The following PCDHGA4 variants were observed in gnomAD, a reference collection of about 807,000 sequenced individuals.
The protein encoded by PCDHGA4 is protocadherin gamma subfamily A, 4, also known as protocadherin gamma-A4.
In PCDHGA4, 38 loss-of-function variants were observed where a neutral mutation model predicts 54.6. The observed-to-expected ratio is 0.70, with a 90% CI of 0.54 to 0.91. The LOEUF (loss-of-function observed/expected upper bound fraction) is 0.91. PCDHGA4 is among the 40% of genes least tolerant of loss of function. PCDHGA4 has a pLI of 0.00. For missense variants in PCDHGA4, 1,298 were observed against 1,220.9 expected (o/e 1.06, Z -0.94); for synonymous variants, 511 against 512.9 (o/e 1.00, Z 0.05).
At chr5:141,474,133 C>T (rs35162249) in intron 1 of PCDHGA4, among the ~76,000 whole-genome samples, 9,247 of 152,260 alleles carry the variant, frequency 0.061, 334 homozygotes, top group South Asian at 0.12. Flanking sequence ...CAGAAAACTA[C>T]AGGCCTTATT....
In PCDHGA4 at chr5:141,489,210, G is replaced by A; in HGVS notation, c.2515-5597G>A. ...TCTACCTTGGAGACAGGACAGCACAGACTTACTCTCCACAAAGGGACTTCT... is the reference window on the plus strand; with the variant it reads ...TCTACCTTGGAGACAGGACAGCACAAACTTACTCTCCACAAAGGGACTTCT... On this transcript the variant is annotated intron_variant, in intron 1 of 3. Coordinates refer to ENST00000571252, the MANE Select transcript of PCDHGA4 (RefSeq NM_018917.4). The surrounding 1 kb of genome is among the most constrained non-coding windows in gnomAD (Gnocchi z 4.5). 6 of 1,461,860 alleles carry A rather than the reference G, an allele frequency of 4.1e-6. No homozygotes were observed. Among genetic ancestry groups the A allele is most frequent in the Non-Finnish European group, 5.6e-6 (6 of 1,080,904 alleles). 90.6% of individuals were successfully genotyped at this position (1,461,860 alleles called of 1,614,324 possible). A position where few individuals can be genotyped will look rare whatever the true frequency, so the allele number is the denominator to read the frequency against.
chr5:141,476,929 G>T lies in PCDHGA4; in HGVS notation c.2515-17878G>T, dbSNP rs1375082202. 6.2e-7 allele frequency: 1 copy of T among 1,614,136 alleles called. No homozygotes were observed. Among genetic ancestry groups the T allele is most frequent in the Admixed American group, 1.7e-5 (1 of 60,034 alleles). On this transcript the variant is annotated intron_variant, in intron 1 of 3. Transcript: ENST00000571252. This position sits in a 1 kb window ranked among gnomAD's most constrained non-coding sequence, Gnocchi z 7.6. ...TGGTACAAGTCCTTGCAACGGATCT[G>T]GATGAAGGCCCCAACGGTGAAATTA...
intron 1 of PCDHGA4, chr5:141,395,349 CAG>C: frequency 7.2e-7 from 1 of 1,382,548 alleles, no homozygotes; most frequent in South Asian, 1.5e-5. Flanking sequence ...AGGTGTATCA[CAG>C]AGTTTTGGGT....
intron 1 of PCDHGA4, chr5:141,372,773 T>C: frequency 1.2e-6 from 2 of 1,610,720 alleles, no homozygotes; most frequent in Non-Finnish European, 8.5e-7. Flanking sequence ...GTAATGACAA[T>C]CCAGAAATGC....
At position 141,418,594 on chromosome 5, in the gene PCDHGA4, C is replaced by G. The variant is rs775489120; in HGVS notation, c.2514+60973C>G. 2.9e-5 allele frequency: 47 copies of G among 1,613,904 alleles called. No individual in the cohort carries two copies. In the South Asian group the frequency reaches 4.6e-4, roughly 16 times the overall value. On this transcript the variant is annotated intron_variant, in intron 1 of 3. Transcript: ENST00000571252. ...ACAACCCCCCAGTGTTCAGCCAGGA[C>G]GTGTACAGGGTTAGCCTTCGGGAAG...
intron 1 of PCDHGA4, chr5:141,405,545 A>G (rs952875482): frequency 1.6e-6 from 1 of 631,162 alleles, no homozygotes; most frequent in South Asian, 2.0e-5. Flanking sequence ...TCAGCCTCCC[A>G]AGTAGAGTAG....
intron 1 of PCDHGA4, chr5:141,419,310 A>G: frequency 6.2e-7 from 1 of 1,613,948 alleles, no homozygotes; most frequent in Non-Finnish European, 8.5e-7. Flanking sequence ...TTCGGGCTCA[A>G]CGGCCGTGTC....
At chr5:141,382,900 A>G (rs564801333) in intron 1 of PCDHGA4, 1 of 1,542,254 alleles carries the variant, frequency 6.5e-7, no homozygotes, top group South Asian at 1.3e-5. Context: ...CAGGACGACT[A>G]TGGCGGCTCA....
intron 1 of PCDHGA4, among the ~76,000 whole-genome samples, chr5:141,437,987 C>T (rs2097922147): frequency 1.3e-5 from 2 of 152,156 alleles, no homozygotes; most frequent in African/African-American, 2.4e-5. Flanking sequence ...GCACCCACCC[C>T]ACCTCAGCCT....
chr5:141,494,676 C>G, intron 1 of PCDHGA4, 131 bp from the exon 2 acceptor site: 1 of 1,550,918 alleles, frequency 6.4e-7, no homozygotes, highest in African/African-American at 1.4e-5. Context: ...GAGTCCACCC[C>G]TGCCCCCTCT....
At chr5:141,387,706 C>T in intron 1 of PCDHGA4, 1 of 992,322 alleles carries the variant, frequency 1.0e-6, no homozygotes. Flanking sequence ...CCAGGGCAGC[C>T]CCAGCTCAGA....
At chr5:141,454,625 C>T (rs1193628253) in intron 1 of PCDHGA4, among the ~76,000 whole-genome samples, 2 of 151,512 alleles carry the variant, frequency 1.3e-5, no homozygotes, top group East Asian at 1.9e-4. Flanking sequence ...AGGCTGGTCT[C>T]GAACCCCCAA....
chr5:141,424,692 T>C (rs910540428), intron 1 of PCDHGA4: 2 of 152,004 alleles, frequency 1.3e-5, no homozygotes, highest in African/African-American at 4.8e-5. Context: ...CTTCTGGCTA[T>C]TTTTTTGTTC....
intron 1 of PCDHGA4, chr5:141,389,372 G>A: frequency 6.2e-7 from 1 of 1,613,806 alleles, no homozygotes; most frequent in South Asian, 1.1e-5. Flanking sequence ...ACCTGGAGCA[G>A]CGGGAGCTGT....
intron 1 of PCDHGA4, chr5:141,400,474 G>A: frequency 6.2e-7 from 1 of 1,614,012 alleles, no homozygotes; most frequent in Non-Finnish European, 8.5e-7. Context: ...TTCATCTGGG[G>A]CCTTATTTCC....
intron 1 of PCDHGA4, chr5:141,403,278 T>C (rs1254967384): frequency 1.2e-6 from 2 of 1,613,784 alleles, no homozygotes; most frequent in Non-Finnish European, 1.7e-6. Context: ...TTTAAAGTCC[T>C]GGTTGAAGAC....
intron 1 of PCDHGA4, among the ~76,000 whole-genome samples, chr5:141,400,828 A>G (rs2094080616): frequency 6.6e-6 from 1 of 152,184 alleles, no homozygotes. Context: ...TCGTTGTCTC[A>G]TTCTTTAACA....
intron 1 of PCDHGA4, among the ~76,000 whole-genome samples, chr5:141,380,738 A>G (rs1282676783): frequency 6.6e-6 from 1 of 152,220 alleles, no homozygotes; most frequent in Non-Finnish European, 1.5e-5. Context: ...CTTTTCTCCA[A>G]AGAAGGTACC....
intron 1 of PCDHGA4, chr5:141,384,799 G>T (rs1342288929): frequency 6.2e-7 from 1 of 1,613,476 alleles, no homozygotes; most frequent in South Asian, 1.1e-5. Flanking sequence ...GGCCCTGCTG[G>T]ACAGAGATGC....
Sources: allele counts gnomAD v4.1 joint callset (sites outside exome capture counted in the v4.1 genomes callset), GRCh38; gene constraint gnomAD v4.1.1; non-coding constraint Gnocchi (gnomAD v3.1); transcripts MANE v1.5; gene names NCBI Gene and HGNC (gene_info 2026-07-23, HGNC 2026-07-21).